PCDH15: variants seen among roughly 807,000 people sequenced by gnomAD.
PCDH15 encodes the protein protocadherin-15.
In PCDH15, 129 loss-of-function variants were observed where a neutral mutation model predicts 178.5. That is an observed-to-expected ratio of 0.72 (90% CI 0.63 to 0.84). PCDH15 has a LOEUF of 0.84. Ranked by LOEUF, PCDH15 falls within the 40% of genes least tolerant of loss-of-function variation. The probability of loss-of-function intolerance (pLI) is 0.00; values close to 1 mark genes in which losing one functional copy is unlikely to be tolerated. For missense variants in PCDH15, 2,230 were observed against 2,099.9 expected (o/e 1.06, Z -1.21); for synonymous variants, 800 against 732.0 (o/e 1.09, Z -1.50).
chr10:54,361,611 G>A (rs985988727), intron 5 of PCDH15, among the ~76,000 whole-genome samples: 2 of 151,920 alleles, frequency 1.3e-5, no homozygotes, highest in African/African-American at 4.8e-5. Context: ...TATACAGGTA[G>A]GAAGTGGTCA....
chr10:54,369,390 T>C (rs1947308754), intron 4 of PCDH15, 115 bp from the exon 5 acceptor site: 3 of 927,008 alleles, frequency 3.2e-6, no homozygotes. Flanking sequence ...TTTTAAATTA[T>C]AATAATCTCA....
At chr10:54,529,962 A>T (rs552440333) in intron 2 of PCDH15, among the ~76,000 whole-genome samples, 1 of 152,162 alleles carries the variant, frequency 6.6e-6, no homozygotes, top group South Asian at 2.1e-4. Flanking sequence ...ATACCTACTG[A>T]AAATAGATAA....
intron 2 of PCDH15, among the ~76,000 whole-genome samples, chr10:55,099,721 C>T (rs1168082322): frequency 1.3e-5 from 2 of 151,848 alleles, no homozygotes; most frequent in Non-Finnish European, 2.9e-5. Flanking sequence ...AAAAAAGTTG[C>T]TTTTCAGCCA....
At chr10:55,345,401 T>C (rs893357498) in intron 2 of PCDH15, among the ~76,000 whole-genome samples, 1 of 151,888 alleles carries the variant, frequency 6.6e-6, no homozygotes, top group African/African-American at 2.4e-5. Flanking sequence ...GTGCCATCCA[T>C]CATCATGTTG....
At chr10:55,192,404 A>T (rs1360016921) in intron 1 of PCDH15, among the ~76,000 whole-genome samples, 1 of 151,904 alleles carries the variant, frequency 6.6e-6, no homozygotes, top group Non-Finnish European at 1.5e-5. Flanking sequence ...CATATAAAAA[A>T]GTTATTTCTC....
intron 2 of PCDH15, among the ~76,000 whole-genome samples, chr10:54,902,760 T>C (rs1454762982): frequency 6.6e-6 from 1 of 152,184 alleles, no homozygotes; most frequent in African/African-American, 2.4e-5. Context: ...CTGCTCTAGA[T>C]AAATAAATTC....
chr10:54,265,135 GA>G (rs1011785715), intron 8 of PCDH15, among the ~76,000 whole-genome samples: 1 of 151,956 alleles, frequency 6.6e-6, no homozygotes, highest in African/African-American at 2.4e-5. Context: ...AGACATTCCA[GA>G]AAAAAACATT....
intron 2 of PCDH15, among the ~76,000 whole-genome samples, chr10:54,580,587 A>T (rs1334042475): frequency 6.6e-6 from 1 of 152,096 alleles, no homozygotes; most frequent in African/African-American, 2.4e-5. Context: ...CTCCTCTGTA[A>T]CTCATTCTAT....
intron 2 of PCDH15, among the ~76,000 whole-genome samples, chr10:55,524,179 C>G (rs1246985155): frequency 6.6e-6 from 1 of 151,290 alleles, no homozygotes; most frequent in Non-Finnish European, 1.5e-5. Flanking sequence ...ATATTTAGTA[C>G]TGAAGAAAAA....
At chr10:55,289,781 C>A (rs1282373908) in intron 1 of PCDH15, among the ~76,000 whole-genome samples, 1 of 151,960 alleles carries the variant, frequency 6.6e-6, no homozygotes. Flanking sequence ...ACAGGTGGGT[C>A]TTTTAAGAGA....
intron 28 of PCDH15, among the ~76,000 whole-genome samples, chr10:53,845,360 T>C (rs933147934): frequency 1.3e-5 from 2 of 151,788 alleles, no homozygotes; most frequent in African/African-American, 4.8e-5. Flanking sequence ...CATGATTCAG[T>C]AATCCCACTG....
chr10:54,433,092 G>T (rs1589383734), intron 3 of PCDH15, among the ~76,000 whole-genome samples: 1 of 152,218 alleles, frequency 6.6e-6, no homozygotes, highest in East Asian at 1.9e-4. Context: ...AGGATGTGGA[G>T]AAAAGGGAAT....
At chr10:55,408,696 C>A (rs1838263656) in intron 2 of PCDH15, among the ~76,000 whole-genome samples, 1 of 152,026 alleles carries the variant, frequency 6.6e-6, no homozygotes, top group Non-Finnish European at 1.5e-5. Flanking sequence ...TGCTACTCTA[C>A]CCCCAGCTAT....
At chr10:54,776,477 T>C (rs1444608518) in intron 1 of PCDH15, among the ~76,000 whole-genome samples, 1 of 151,974 alleles carries the variant, frequency 6.6e-6, no homozygotes, top group Non-Finnish European at 1.5e-5. Context: ...ACCTGTAGCC[T>C]CAGACTTAAG....
At chr10:54,969,485 C>A (rs890068254) in intron 2 of PCDH15, among the ~76,000 whole-genome samples, 1 of 152,190 alleles carries the variant, frequency 6.6e-6, no homozygotes, top group South Asian at 2.1e-4. Context: ...TTTTCAGGTT[C>A]TTTCCATAGC....
At chr10:54,799,931 T>G (rs866139264) in intron 1 of PCDH15, among the ~76,000 whole-genome samples, 15 of 152,196 alleles carry the variant, frequency 9.9e-5, no homozygotes, top group Admixed American at 5.2e-4. Flanking sequence ...GCAAGCATTT[T>G]GCGCTCAAAA....
intron 21 of PCDH15, among the ~76,000 whole-genome samples, chr10:53,970,768 A>G (rs1256390448): frequency 6.6e-6 from 1 of 152,136 alleles, no homozygotes; most frequent in Admixed American, 6.6e-5. Flanking sequence ...ATAGACCAAT[A>G]ACAGGCTCTG....
At chr10:53,809,434 G>T (rs2075785121) in intron 37 of PCDH15, 1 of 1,613,848 alleles carries the variant, frequency 6.2e-7, no homozygotes, top group South Asian at 1.1e-5. Flanking sequence ...TCTCTTCCAT[G>T]TTGTGTATGT....
Position 54,416,986 on chromosome 10 carries a change from T to A in PCDH15, c.158-38044A>T, listed in dbSNP as rs564186697. On this transcript the variant is annotated intron_variant, in intron 3 of 37. Transcript: ENST00000644397. ...GATGGGGTTGTTTTTTTCTTGTAAATTTGTTTAAGCTCCTTGTGACTTCTG... is the reference window on the plus strand; with the variant it reads ...GATGGGGTTGTTTTTTTCTTGTAAAATTGTTTAAGCTCCTTGTGACTTCTG... Among the ~76,000 whole-genome samples the A allele has an allele frequency of 1.2e-4, 18 of 152,256 alleles. No homozygotes were observed. In the East Asian group the frequency reaches 3.5e-3, roughly 29 times the overall value.
Sources: allele counts gnomAD v4.1 joint callset (sites outside exome capture counted in the v4.1 genomes callset), GRCh38; gene constraint gnomAD v4.1.1; transcripts MANE v1.5; gene names NCBI Gene and HGNC (gene_info 2026-07-23, HGNC 2026-07-21).